Variants in ATRN observed in about 807,000 individuals in gnomAD.
The protein encoded by ATRN is attractin, also known as attractin-2.
Under a neutral mutation model 178.7 loss-of-function variants are expected in ATRN, and 54 were observed. That is an observed-to-expected ratio of 0.30 (90% CI 0.24 to 0.38). ATRN has a LOEUF of 0.38. Ranked by LOEUF, ATRN falls within the 10% of genes least tolerant of loss-of-function variation. The pLI is 1.00. For missense variants in ATRN, 1,443 were observed against 1,815.1 expected, an observed-to-expected ratio of 0.79 and a Z score of 3.73; for synonymous variants, 636 against 663.0, an observed-to-expected ratio of 0.96 and a Z score of 0.63.
At chr20:3,483,685 TG>T (rs2084653177) in intron 1 of ATRN, among the ~76,000 whole-genome samples, 1 of 152,196 alleles carries the variant, frequency 6.6e-6, no homozygotes, top group Non-Finnish European at 1.5e-5. Flanking sequence ...TGCATACATG[TG>T]TGATTTTTCT....
chr20:3,514,388 A>T (rs2085178447), intron 1 of ATRN, among the ~76,000 whole-genome samples: 1 of 152,190 alleles, frequency 6.6e-6, no homozygotes, highest in Non-Finnish European at 1.5e-5. Context: ...TCATTTTGTT[A>T]TAAAAACCTG....
intron 24 of ATRN, among the ~76,000 whole-genome samples, chr20:3,615,461 A>C (rs1436379290): frequency 6.6e-6 from 1 of 151,920 alleles, no homozygotes. Context: ...TTTATGATGA[A>C]ACCCACAAGG....
chr20:3,646,580 A>G (rs2087109326), intron 28 of ATRN, 143 bp from the exon 29 acceptor site: 2 of 1,201,912 alleles, frequency 1.7e-6, no homozygotes, highest in Non-Finnish European at 2.3e-6. Flanking sequence ...GTGTATGTGT[A>G]CCTTTTTGGG....
intron 6 of ATRN, among the ~76,000 whole-genome samples, chr20:3,555,928 C>A (rs2085870465): frequency 6.6e-6 from 1 of 152,150 alleles, no homozygotes; most frequent in African/African-American, 2.4e-5. Context: ...CTTCAAGGAG[C>A]AGAAGGAGAT....
intron 24 of ATRN, among the ~76,000 whole-genome samples, chr20:3,622,939 C>T (rs140385555): frequency 6.1e-4 from 93 of 152,272 alleles, no homozygotes; most frequent in African/African-American, 2.0e-3. Context: ...TGGCACAGGG[C>T]GCATGAACAC....
In ATRN at chr20:3,555,693, G is replaced by T. The variant is rs533939290; in HGVS notation, c.1113-3700G>T. Among the ~76,000 whole-genome samples, 4 of 152,264 alleles carry T rather than the reference G, an allele frequency of 2.6e-5. No homozygotes were observed. The East Asian group carries it at 7.7e-4, about 29-fold the overall frequency. On this transcript the variant is annotated intron_variant, in intron 6 of 28. Coordinates refer to ENST00000262919, the MANE Select transcript of ATRN (RefSeq NM_139321.3). Reference sequence around the variant, plus strand: ...ATACCAGCCCTCACACTAAAGCTATGGAAAGGATAGAAATTCGATAAACTT... The same window carrying T: ...ATACCAGCCCTCACACTAAAGCTATTGAAAGGATAGAAATTCGATAAACTT...
Position 3,562,398 on chromosome 20 carries a change from A to C in ATRN, c.1570A>C (p.Ser524Arg), listed in dbSNP as rs1320741284. The C allele has an allele frequency of 3.1e-6, 5 of 1,614,210 alleles. No individual in the cohort carries two copies. The highest frequency in any genetic ancestry group is 4.2e-6 in the Non-Finnish European group (5 of 1,180,034). The change falls in exon 9 of 29, where the codon AGT (serine) becomes CGT (arginine). Residue 524 changes from serine (S) to arginine (R), a missense_variant. By Grantham distance (110) the Ser-to-Arg change is moderately radical. This residue lies in a region of ATRN where 862 missense variants were observed against 972.1 expected (regional missense o/e 0.89). Transcript: ENST00000262919. ...CGTTCATGGTGGCTACAAGGCTTTC[A>C]GTGCCAATAAGTACCGGCTTGCAGA... ...LYVHGGYKAF[S>R]ANKYRLADDL...
At chr20:3,553,757 A>G (rs1600101155) in intron 6 of ATRN, among the ~76,000 whole-genome samples, 1 of 152,126 alleles carries the variant, frequency 6.6e-6, no homozygotes, top group East Asian at 1.9e-4. Context: ...TGTTCCTGCT[A>G]TTGTGCCTCA....
intron 1 of ATRN, among the ~76,000 whole-genome samples, chr20:3,480,722 C>T (rs149306328): frequency 3.3e-5 from 5 of 152,082 alleles, no homozygotes; most frequent in Admixed American, 2.0e-4. Context: ...TTTTATTTAC[C>T]GCAGTATAGA....
chr20:3,502,254 A>G (rs994487258), intron 1 of ATRN, among the ~76,000 whole-genome samples: 1 of 152,222 alleles, frequency 6.6e-6, no homozygotes, highest in East Asian at 1.9e-4. Flanking sequence ...AAACAGACTC[A>G]TAGGGAGGCT....
At chr20:3,518,207 G>A (rs2085232662) in intron 1 of ATRN, among the ~76,000 whole-genome samples, 3 of 152,036 alleles carry the variant, frequency 2.0e-5, no homozygotes, top group African/African-American at 4.8e-5. Flanking sequence ...GTGGTATAAC[G>A]GGACCCAGCA....
intron 22 of ATRN, 45 bp from the exon 23 acceptor site, chr20:3,600,901 G>T (rs893768771): frequency 4.0e-6 from 6 of 1,515,396 alleles, no homozygotes; most frequent in Non-Finnish European, 5.5e-6. Flanking sequence ...TTAAAATCTA[G>T]AAATTGTTTT....
At chr20:3,512,107 A>ATATATTTTTTTTTTT in intron 1 of ATRN, among the ~76,000 whole-genome samples, 116 of 106,304 alleles carry the variant, frequency 1.1e-3, no homozygotes, top group African/African-American at 4.9e-3. Context: ...ATATATATAT[A>ATATATTTTTTTTTTT]TTTTTTTTTT....
chr20:3,593,116 C>T (rs970823682), intron 19 of ATRN, among the ~76,000 whole-genome samples: 1 of 152,180 alleles, frequency 6.6e-6, no homozygotes, highest in Admixed American at 6.5e-5. Context: ...AAGAACCACG[C>T]CCAGTCTGTG....
At chr20:3,522,602 C>A (rs2085310598) in intron 1 of ATRN, among the ~76,000 whole-genome samples, 1 of 152,190 alleles carries the variant, frequency 6.6e-6, no homozygotes, top group Non-Finnish European at 1.5e-5. Context: ...GGTCCCTGAC[C>A]CCCGTGCCTC....
At position 3,584,067 on chromosome 20, in the gene ATRN, G is replaced by T; in HGVS notation, c.2934G>T (p.Thr978=). 6.2e-7 allele frequency: 1 copy of T among 1,613,952 alleles called. No individual in the cohort carries two copies. The highest frequency in any genetic ancestry group is 8.5e-7 in the Non-Finnish European group (1 of 1,179,918). ...TTGGCCAGTGTATGGAATGGTATAC[G>T]ATGAGCACCTGCCCCCGTAAGTGAA... ...FPFGQCMEWY[T]MSTCPPENCS... Residue 978 remains threonine (T), a synonymous_variant, in exon 17 of 29, where the codon ACG becomes ACT. Coordinates refer to ENST00000262919, the MANE Select transcript of ATRN (RefSeq NM_139321.3).
intron 18 of ATRN, among the ~76,000 whole-genome samples, chr20:3,585,983 A>G (rs532148770): frequency 4.6e-5 from 7 of 152,320 alleles, no homozygotes; most frequent in Middle Eastern, 3.4e-3. Flanking sequence ...ACTCTCATGC[A>G]GGTTGGCAGG....
chr20:3,592,613 CAT>C (rs2086464797), intron 19 of ATRN: 1 of 482,818 alleles, frequency 2.1e-6, no homozygotes. Flanking sequence ...AAGTAAACAA[CAT>C]AGGGAAATCT....
chr20:3,535,357 T>C, intron 2 of ATRN, 21 bp downstream of exon 2: 1 of 1,420,510 alleles, frequency 7.0e-7, no homozygotes, highest in East Asian at 2.5e-5. Flanking sequence ...ATGGCTGACT[T>C]AATTTTTGTT....
Sources: gnomAD v4.1 joint callset for allele counts (sites outside exome capture counted in the v4.1 genomes callset) on GRCh38, gnomAD v4.1.1 for gene constraint, gnomAD v4.1.1 regional missense constraint, MANE v1.5 for transcripts, NCBI Gene and HGNC (gene_info 2026-07-23, HGNC 2026-07-21) for gene names.